Variants in KIAA1549L observed in about 807,000 individuals in gnomAD.
The protein encoded by KIAA1549L is UPF0606 protein KIAA1549L.
Under a neutral mutation model 160.7 loss-of-function variants are expected in KIAA1549L, and 88 were observed. The observed-to-expected ratio is 0.55, with a 90% CI of 0.46 to 0.65. The LOEUF is 0.65. KIAA1549L is among the 30% of genes least tolerant of loss of function. The pLI, the probability that KIAA1549L is intolerant of heterozygous loss-of-function variation, is 0.00. For synonymous variants in KIAA1549L, 950 were observed against 976.7 expected, an observed-to-expected ratio of 0.97 and a Z score of 0.51; for missense variants, 2,258 against 2,437.5, an observed-to-expected ratio of 0.93 and a Z score of 1.55.
At chr11:33,440,458 T>C (rs1447737130) in intron 1 of KIAA1549L, among the ~76,000 whole-genome samples, 3 of 152,190 alleles carry the variant, frequency 2.0e-5, no homozygotes, top group African/African-American at 7.2e-5. Context: ...ACTTAAACAC[T>C]CTGTTTCTAT....
At chr11:33,417,190 A>G (rs980129199) in intron 1 of KIAA1549L, among the ~76,000 whole-genome samples, 1 of 152,206 alleles carries the variant, frequency 6.6e-6, no homozygotes, top group Admixed American at 6.5e-5. Flanking sequence ...CACATACAAC[A>G]TCGGACAATA....
At chr11:33,516,891 G>T (rs1421375145) in intron 1 of KIAA1549L, among the ~76,000 whole-genome samples, 1 of 152,114 alleles carries the variant, frequency 6.6e-6, no homozygotes, top group African/African-American at 2.4e-5. Context: ...TTGAAAATAT[G>T]TTTTCTGTAG....
intron 1 of KIAA1549L, among the ~76,000 whole-genome samples, chr11:33,481,358 T>C (rs1446319208): frequency 6.6e-6 from 1 of 152,258 alleles, no homozygotes; most frequent in African/African-American, 2.4e-5. Flanking sequence ...TATTTTAGGC[T>C]AGTGGTACAT....
At chr11:33,580,571 C>CAAAAAAA (rs368467299) in intron 10 of KIAA1549L, among the ~76,000 whole-genome samples, 1 of 52,532 alleles carries the variant, frequency 1.9e-5, no homozygotes, top group African/African-American at 5.6e-5. Context: ...GATTCTGCCT[C>CAAAAAAA]AAAAAAAAAA....
intron 1 of KIAA1549L, among the ~76,000 whole-genome samples, chr11:33,382,833 G>A (rs1434687756): frequency 1.3e-5 from 2 of 152,046 alleles, no homozygotes; most frequent in African/African-American, 4.8e-5. Flanking sequence ...CCTGCCCTGG[G>A]ACTTCCCCTG....
intron 10 of KIAA1549L, among the ~76,000 whole-genome samples, chr11:33,579,861 T>C (rs1855575602): frequency 6.6e-6 from 1 of 152,122 alleles, no homozygotes; most frequent in African/African-American, 2.4e-5. Context: ...ATAAGGCCAA[T>C]GAAGGAGAAG....
chr11:33,441,665 G>A (rs1851509397), intron 1 of KIAA1549L, among the ~76,000 whole-genome samples: 1 of 152,136 alleles, frequency 6.6e-6, no homozygotes, highest in Non-Finnish European at 1.5e-5. Flanking sequence ...TTTCTCTGAT[G>A]GCCAGTGATG....
chr11:33,652,693 T>A (rs1851932902), intron 17 of KIAA1549L, among the ~76,000 whole-genome samples: 1 of 152,206 alleles, frequency 6.6e-6, no homozygotes, highest in South Asian at 2.1e-4. Context: ...AAATCTCCTT[T>A]GTCTATTTTG....
Position 33,609,207 on chromosome 11 carries a change from A to G in KIAA1549L, c.5062-542A>G, listed in dbSNP as rs116235245. On this transcript the variant is annotated intron_variant, in intron 14 of 20. Transcript: ENST00000658780. ...TCTCAAGAAAGGCATGGATTTACAA[A>G]AACATGCTGTCAGATGCAGGTTGAC... Among the ~76,000 whole-genome samples the G allele has an allele frequency of 4.9e-3, 754 of 152,372 alleles. 11 individuals are homozygous for G. The highest frequency in any genetic ancestry group is 0.017 in the African/African-American group (724 of 41,594).
chr11:33,538,940 C>T (rs7104844), intron 1 of KIAA1549L, among the ~76,000 whole-genome samples: 38,307 of 152,102 alleles, frequency 0.25, 5,047 homozygotes, highest in East Asian at 0.35. Context: ...AAGGGAAGTG[C>T]CCCCGTCCTG....
At chr11:33,413,394 T>C (rs1295898152) in intron 1 of KIAA1549L, among the ~76,000 whole-genome samples, 1 of 149,910 alleles carries the variant, frequency 6.7e-6, no homozygotes, top group African/African-American at 2.5e-5. Context: ...GCTGTGATCA[T>C]GCCACTGCGC....
chr11:33,399,868 G>A (rs567552897), intron 1 of KIAA1549L, among the ~76,000 whole-genome samples: 1 of 152,288 alleles, frequency 6.6e-6, no homozygotes, highest in South Asian at 2.1e-4. Context: ...GATTCTTGTA[G>A]CACTCCGCTT....
chr11:33,520,319 A>C (rs942893843), intron 1 of KIAA1549L, among the ~76,000 whole-genome samples: 12 of 152,072 alleles, frequency 7.9e-5, no homozygotes, highest in African/African-American at 2.9e-4. Context: ...AGTAACCACT[A>C]TTCTACTCTC....
intron 11 of KIAA1549L, 64 bp downstream of exon 11, chr11:33,583,565 C>T: frequency 5.5e-6 from 8 of 1,459,944 alleles, no homozygotes; most frequent in Non-Finnish European, 6.5e-6. Flanking sequence ...CCTGCCTTTC[C>T]CTCTTGCCTT....
intron 1 of KIAA1549L, among the ~76,000 whole-genome samples, chr11:33,437,790 G>A (rs1851410983): frequency 6.6e-6 from 1 of 152,158 alleles, no homozygotes. Flanking sequence ...TATTTACTAG[G>A]ATTCTTGTCC....
rs3741021 is a variant in KIAA1549L at position 33,670,769 on chromosome 11, T to G, written c.*2615T>G. 44,760 of 152,090 alleles carry G rather than the reference T, an allele frequency of 0.29. 6,633 individuals are homozygous for G. The highest frequency in any genetic ancestry group is 0.34 in the South Asian group (1,662 of 4,822). 9.4% of individuals were successfully genotyped at this position (152,090 alleles called of 1,614,324 possible). On this transcript the variant is annotated 3_prime_UTR_variant, in exon 21 of 21. Transcript: ENST00000658780. ...CCAGAGAGCCCTGAGGAGGCAGCAA[T>G]GAACAAACACCCTGTTCATCAGAAC...
At chr11:33,532,759 C>T (rs1408261630) in intron 1 of KIAA1549L, among the ~76,000 whole-genome samples, 1 of 152,148 alleles carries the variant, frequency 6.6e-6, no homozygotes, top group Non-Finnish European at 1.5e-5. Context: ...ATCTAGTTTG[C>T]TTTTCTTTAA....
At chr11:33,427,572 T>G (rs1851145058) in intron 1 of KIAA1549L, among the ~76,000 whole-genome samples, 1 of 152,168 alleles carries the variant, frequency 6.6e-6, no homozygotes, top group Non-Finnish European at 1.5e-5. Context: ...ATAATTTCCT[T>G]ACAGGCTGTC....
intron 1 of KIAA1549L, among the ~76,000 whole-genome samples, chr11:33,445,167 C>T (rs1016914844): frequency 2.0e-5 from 3 of 152,122 alleles, no homozygotes; most frequent in African/African-American, 7.2e-5. Flanking sequence ...GGAAGCGAAA[C>T]CAAGAAGGAC....
Sources: allele counts gnomAD v4.1 joint callset (sites outside exome capture counted in the v4.1 genomes callset), GRCh38; gene constraint gnomAD v4.1.1; transcripts MANE v1.5; gene names NCBI Gene and HGNC (gene_info 2026-07-23, HGNC 2026-07-21).